SLC25A24: variants seen among roughly 807,000 people sequenced by gnomAD.
The protein encoded by SLC25A24 is solute carrier family 25 member 24.
Under a neutral mutation model 60.7 loss-of-function variants are expected in SLC25A24, and 49 were observed. That is an observed-to-expected ratio of 0.81 (90% CI 0.64 to 1.02). The LOEUF is 1.02. SLC25A24 is among the 50% of genes least tolerant of loss of function. The pLI is 0.00. For missense variants in SLC25A24, 564 were observed against 586.3 expected, an observed-to-expected ratio of 0.96 and a Z score of 0.39; for synonymous variants, 202 against 200.6, an observed-to-expected ratio of 1.01 and a Z score of -0.06.
intron 8 of SLC25A24, among the ~76,000 whole-genome samples, chr1:108,142,930 C>T (rs57437336): frequency 0.024 from 3,705 of 152,140 alleles, 172 homozygotes; most frequent in African/African-American, 0.085. Context: ...TCTTCCTCTA[C>T]GCTGTAGCTT....
intron 7 of SLC25A24, among the ~76,000 whole-genome samples, chr1:108,147,999 G>A (rs1240102256): frequency 6.6e-6 from 1 of 152,128 alleles, no homozygotes; most frequent in Non-Finnish European, 1.5e-5. Context: ...ATAAGGAACT[G>A]ATGTTTCCAG....
At chr1:108,161,547 G>T (rs1680085614) in intron 3 of SLC25A24, among the ~76,000 whole-genome samples, 1 of 152,156 alleles carries the variant, frequency 6.6e-6, no homozygotes, top group African/African-American at 2.4e-5. Context: ...TCAGCACTCT[G>T]TCAAACTCTG....
At chr1:108,163,721 A>G (rs1237610837) in intron 3 of SLC25A24, among the ~76,000 whole-genome samples, 4 of 151,466 alleles carry the variant, frequency 2.6e-5, no homozygotes, top group South Asian at 2.1e-4. Flanking sequence ...TATATATACA[A>G]TCATGTCGTC....
chr1:108,197,644 C>T (rs1648532383), intron 1 of SLC25A24, among the ~76,000 whole-genome samples: 1 of 152,168 alleles, frequency 6.6e-6, no homozygotes, highest in South Asian at 2.1e-4. Context: ...ACTGGTAAAA[C>T]ATGATTTCTG....
intron 9 of SLC25A24, 116 bp downstream of exon 9, chr1:108,138,942 A>T: frequency 9.4e-7 from 1 of 1,064,770 alleles, no homozygotes; most frequent in Non-Finnish European, 1.3e-6. Context: ...AATGAAAAAA[A>T]GGTTGAGAAA....
At chr1:108,156,392 A>G (rs1456851684) in intron 5 of SLC25A24, among the ~76,000 whole-genome samples, 2 of 152,246 alleles carry the variant, frequency 1.3e-5, no homozygotes, top group Non-Finnish European at 1.5e-5. Context: ...ATAAAATAGG[A>G]CAAAGGAAAA....
At chr1:108,171,027 T>C (rs1647442474) in intron 3 of SLC25A24, among the ~76,000 whole-genome samples, 1 of 152,204 alleles carries the variant, frequency 6.6e-6, no homozygotes, top group Non-Finnish European at 1.5e-5. Context: ...TTTACTGTAC[T>C]TGAATTTATT....
intron 3 of SLC25A24, among the ~76,000 whole-genome samples, chr1:108,175,491 G>A (rs557905313): frequency 1.3e-5 from 2 of 152,054 alleles, no homozygotes; most frequent in South Asian, 2.1e-4. Context: ...GCATGAGAAT[G>A]GACTAATACA....
chr1:108,184,365 G>T (rs1346503990), intron 2 of SLC25A24, among the ~76,000 whole-genome samples: 1 of 152,200 alleles, frequency 6.6e-6, no homozygotes, highest in African/African-American at 2.4e-5. Flanking sequence ...AGTTTGCAGA[G>T]AAGAAAGAAA....
chr1:108,169,195 C>T (rs1477329328), intron 3 of SLC25A24, among the ~76,000 whole-genome samples: 1 of 152,180 alleles, frequency 6.6e-6, no homozygotes. Context: ...AGAAACAGCA[C>T]TGACTTGGTT....
chr1:108,148,337 C>T lies in SLC25A24; in HGVS notation c.872G>A (p.Arg291Lys). ...TCCAGCCATGGAACCAGAAATAAAT[C>T]TCTCAAATGTTCCTATTTTTTGTCC... ...EEGQKIGTFE[R>K]FISGSMAGAT... Residue 291 changes from arginine (R) to lysine (K), a missense_variant, in exon 7 of 10, where the codon AGA becomes AAA. By Grantham distance (26) the Arg-to-Lys change is conservative (BLOSUM62 2). Coordinates refer to ENST00000565488, the MANE Select transcript of SLC25A24 (RefSeq NM_013386.5). The T allele has an allele frequency of 1.2e-6, 2 of 1,613,316 alleles. No individual in the cohort carries two copies. Among genetic ancestry groups the T allele is most frequent in the South Asian group, 1.1e-5 (1 of 91,046 alleles).
intron 3 of SLC25A24, among the ~76,000 whole-genome samples, chr1:108,180,658 C>CTCTCTCTG (rs1558024008): frequency 4.1e-4 from 43 of 105,042 alleles, no homozygotes; most frequent in African/African-American, 1.4e-3. Flanking sequence ...CTCTCTCTCT[C>CTCTCTCTG]TCTCTCTCTG....
intron 6 of SLC25A24, among the ~76,000 whole-genome samples, chr1:108,152,692 ATTCCAGTCT>A (rs970286903): frequency 3.9e-5 from 6 of 152,094 alleles, no homozygotes; most frequent in African/African-American, 1.2e-4. Context: ...TTGAGCTCTA[ATTCCAGTCT>A]GTCAGTTCTG....
intron 3 of SLC25A24, 113 bp from the exon 4 acceptor site, chr1:108,161,406 A>G (rs1272621002): frequency 1.5e-6 from 1 of 654,006 alleles, no homozygotes; most frequent in Non-Finnish European, 2.7e-6. Flanking sequence ...TTCTCATTAA[A>G]TTAAAAAACC....
rs1297517449 is a variant in SLC25A24 at position 108,200,251 on chromosome 1, G to T, written c.-113C>A. Reference sequence around the variant, plus strand: ...TGGGCGGGGCGCGCGGCGCAACAGCGTTTGGGGCGCCGTCGGGGTTGCGGC... The same window carrying T: ...TGGGCGGGGCGCGCGGCGCAACAGCTTTTGGGGCGCCGTCGGGGTTGCGGC... On this transcript the variant is annotated 5_prime_UTR_variant, in exon 1 of 10. Transcript: ENST00000565488. 3 of 1,057,382 alleles carry T rather than the reference G, an allele frequency of 2.8e-6. No homozygotes were observed. The highest frequency in any genetic ancestry group is 3.2e-5 in the East Asian group (1 of 30,806). The allele number at this position is 1,057,382 out of a possible 1,614,324, so 65.5% of individuals were successfully genotyped here.
chr1:108,145,578 AT>A (rs148182295), intron 7 of SLC25A24, among the ~76,000 whole-genome samples: 35,496 of 150,680 alleles, frequency 0.24, 4,244 homozygotes, highest in African/African-American at 0.26. Context: ...TCTTGAGTTA[AT>A]TTTTTTTTTA....
intron 3 of SLC25A24, among the ~76,000 whole-genome samples, chr1:108,168,041 T>C (rs1249314935): frequency 6.6e-6 from 1 of 152,202 alleles, no homozygotes; most frequent in East Asian, 1.9e-4. Flanking sequence ...GCTCATTTAT[T>C]TATTGAATTA....
At chr1:108,170,075 A>C (rs1647397652) in intron 3 of SLC25A24, among the ~76,000 whole-genome samples, 1 of 152,034 alleles carries the variant, frequency 6.6e-6, no homozygotes, top group Admixed American at 6.5e-5. Flanking sequence ...CTCTCCCCTA[A>C]CTTAGCACAT....
rs370060381 is a variant in SLC25A24, at chr1:108,199,939, C to T, written c.183+17G>A. ...CAGCCCTCCCTACGCTCAGGCGGCGCCCCGGCGGCGACCCACCTCCTCGGC... is the reference window on the plus strand; with the variant it reads ...CAGCCCTCCCTACGCTCAGGCGGCGTCCCGGCGGCGACCCACCTCCTCGGC... On this transcript the variant is annotated intron_variant, in intron 1 of 9. Transcript: ENST00000565488. 1 of 1,593,276 alleles carries T rather than the reference C, an allele frequency of 6.3e-7. No individual in the cohort carries two copies. The highest frequency in any genetic ancestry group is 2.3e-5 in the East Asian group (1 of 44,132).
Sources: gnomAD v4.1 joint callset for allele counts (sites outside exome capture counted in the v4.1 genomes callset) on GRCh38, gnomAD v4.1.1 for gene constraint, MANE v1.5 for transcripts, NCBI Gene and HGNC (gene_info 2026-07-23, HGNC 2026-07-21) for gene names.